CRB1: variants seen among roughly 807,000 people sequenced by gnomAD.
CRB1 encodes the protein protein crumbs homolog 1.
CRB1 carries 83 observed loss-of-function variants against 120.0 expected under a neutral mutation model. The ratio of observed to expected loss-of-function variants is 0.69; its 90% CI spans 0.58 to 0.83. The LOEUF (loss-of-function observed/expected upper bound fraction) is 0.83, where lower values mean the gene tolerates loss of function less well. Ranked by LOEUF, CRB1 falls within the 40% of genes least tolerant of loss-of-function variation. The probability of loss-of-function intolerance (pLI) is 0.00; values close to 1 mark genes in which losing one functional copy is unlikely to be tolerated. For missense variants in CRB1, 1,699 were observed against 1,687.6 expected (o/e 1.01, Z -0.12); for synonymous variants, 625 against 612.5 (o/e 1.02, Z -0.30).
intron 1 of CRB1, among the ~76,000 whole-genome samples, chr1:197,315,387 G>A (rs1241172479): frequency 6.6e-6 from 1 of 152,166 alleles, no homozygotes; most frequent in Non-Finnish European, 1.5e-5. Flanking sequence ...GCTTGGGGTT[G>A]ACGGTAAATG....
At chr1:197,267,551 A>G (rs1447356732), upstream of CRB1, among the ~76,000 whole-genome samples, 2 of 152,242 alleles carry the variant, frequency 1.3e-5, no homozygotes, top group Admixed American at 1.3e-4. Flanking sequence ...AAGGCTCTGT[A>G]CTAGCACTAA....
intron 5 of CRB1, among the ~76,000 whole-genome samples, chr1:197,401,023 T>C (rs899650980): frequency 6.6e-5 from 10 of 152,068 alleles, no homozygotes; most frequent in Non-Finnish European, 1.2e-4. Flanking sequence ...ATATTATATA[T>C]AGTTTTGTAT....
chr1:197,256,717 C>G, the CRB1 span, among the ~76,000 whole-genome samples: 2 of 151,414 alleles, frequency 1.3e-5, no homozygotes, highest in African/African-American at 4.9e-5. Context: ...CTCTCTAGCT[C>G]ACAGAATATA....
chr1:197,474,100 T>G (rs1442363696), intron 11 of CRB1, among the ~76,000 whole-genome samples: 1 of 152,148 alleles, frequency 6.6e-6, no homozygotes, highest in African/African-American at 2.4e-5. Context: ...TAAAAGCAAA[T>G]AGAATTAGGG....
At chr1:197,425,937 C>T (rs1433297236) in intron 6 of CRB1, among the ~76,000 whole-genome samples, 5 of 151,610 alleles carry the variant, frequency 3.3e-5, no homozygotes, top group Non-Finnish European at 7.4e-5. Flanking sequence ...AAGGTGGGGC[C>T]GATGGAAGGT....
chr1:197,398,495 G>A (rs956980460), intron 5 of CRB1, among the ~76,000 whole-genome samples: 1 of 152,104 alleles, frequency 6.6e-6, no homozygotes, highest in Non-Finnish European at 1.5e-5. Context: ...CCAAATAGTA[G>A]GGCTTTGGAA....
chr1:197,287,267 A>C (rs981988679), intron 1 of CRB1, among the ~76,000 whole-genome samples: 2 of 151,864 alleles, frequency 1.3e-5, no homozygotes, highest in Non-Finnish European at 2.9e-5. Flanking sequence ...GAACTGCAAA[A>C]TAGTTTCACC....
the CRB1 span, among the ~76,000 whole-genome samples, chr1:197,237,734 G>A: frequency 4.6e-5 from 7 of 151,978 alleles, no homozygotes; most frequent in Non-Finnish European, 7.4e-5. Flanking sequence ...TTCACAATTC[G>A]TCTTTTCTCT....
At chr1:197,441,807 C>T (rs1665456228) in intron 10 of CRB1, 1 of 279,670 alleles carries the variant, frequency 3.6e-6, no homozygotes, top group African/African-American at 2.2e-5. Context: ...TCCTTGTGCC[C>T]CTAATAAACT....
chr1:197,330,904 G>A (rs1658812832), intron 2 of CRB1, among the ~76,000 whole-genome samples: 1 of 152,122 alleles, frequency 6.6e-6, no homozygotes, highest in African/African-American at 2.4e-5. Context: ...ATTAAGAAGA[G>A]GAGTCCTCGG....
chr1:197,205,582 A>G, the CRB1 span, among the ~76,000 whole-genome samples: 1 of 152,172 alleles, frequency 6.6e-6, no homozygotes, highest in African/African-American at 2.4e-5. Flanking sequence ...CCATCCCTGC[A>G]TCTCTGGTAT....
chr1:197,283,388 C>T (rs994893774), intron 1 of CRB1, among the ~76,000 whole-genome samples: 1 of 151,718 alleles, frequency 6.6e-6, no homozygotes, highest in Non-Finnish European at 1.5e-5. Context: ...TATCCCGCAT[C>T]CCCCTCCCGC....
In CRB1 at chr1:197,393,444, C is replaced by T. The variant is rs12119680; in HGVS notation, c.1172-27556C>T. On this transcript the variant is annotated intron_variant, in intron 5 of 11. Transcript: ENST00000367400. ...GTAGCTAATATTTCCAGTGAAATAG[C>T]GAGGCTGTTTTCAGTCTTCCTTTAC... is the stretch of plus-strand genomic sequence containing the variant. Among the ~76,000 whole-genome samples, 612 of 152,122 alleles carry T rather than the reference C, an allele frequency of 4.0e-3. 4 individuals are homozygous for T. Among genetic ancestry groups the T allele is most frequent in the Non-Finnish European group, 7.7e-3 (524 of 67,972 alleles).
chr1:197,441,060 C>T (rs969185644), intron 10 of CRB1: 2 of 152,202 alleles, frequency 1.3e-5, no homozygotes, highest in African/African-American at 4.8e-5. Context: ...CTACCTCACC[C>T]CCTTTCATTT....
At chr1:197,398,484 T>G (rs1662887895) in intron 5 of CRB1, among the ~76,000 whole-genome samples, 1 of 152,070 alleles carries the variant, frequency 6.6e-6, no homozygotes, top group Admixed American at 6.6e-5. Context: ...GTGATGGATA[T>G]CCAAATAGTA....
the CRB1 span, among the ~76,000 whole-genome samples, chr1:197,230,470 A>G: frequency 6.6e-6 from 1 of 151,990 alleles, no homozygotes; most frequent in African/African-American, 2.4e-5. Flanking sequence ...TTTCTATTTT[A>G]TGGGATTTCA....
At chr1:197,205,884 T>A in the CRB1 span, among the ~76,000 whole-genome samples, 1 of 144,044 alleles carries the variant, frequency 6.9e-6, no homozygotes, top group South Asian at 2.1e-4. Flanking sequence ...GTCCTGGACT[T>A]TTTTTTTTTT....
rs529596513 is a variant in CRB1 at position 197,354,033 on chromosome 1, A to C, written c.989-2798A>C. Reference sequence around the variant, plus strand: ...AATATGAAATGGTAAAAAAAAAAAAAAACACCCCCAAAATGTTCAGCTCAA... The same window carrying C: ...AATATGAAATGGTAAAAAAAAAAAACAACACCCCCAAAATGTTCAGCTCAA... On this transcript the variant is annotated intron_variant, in intron 4 of 11. Transcript: ENST00000367400. Among the ~76,000 whole-genome samples, 183 of 150,938 alleles carry C rather than the reference A, an allele frequency of 1.2e-3. 1 individual carries two copies. In the South Asian group the frequency reaches 0.013, roughly 10 times the overall value.
intron 4 of CRB1, among the ~76,000 whole-genome samples, chr1:197,347,877 A>G (rs922475762): frequency 1.3e-5 from 2 of 152,222 alleles, no homozygotes; most frequent in Admixed American, 1.3e-4. Context: ...AGGCATTTGT[A>G]AAGAGTTATA....
Sources: gnomAD v4.1 joint callset for allele counts (sites outside exome capture counted in the v4.1 genomes callset) on GRCh38, gnomAD v4.1.1 for gene constraint, MANE v1.5 for transcripts, NCBI Gene and HGNC (gene_info 2026-07-23, HGNC 2026-07-21) for gene names.